Variants in OR2A12 observed in about 807,000 individuals in gnomAD.
OR2A12 encodes olfactory receptor family 2 subfamily A member 12.
For synonymous variants in OR2A12, 153 were observed against 149.3 expected, an observed-to-expected ratio of 1.02 and a Z score of -0.18; for missense variants, 380 against 372.5, an observed-to-expected ratio of 1.02 and a Z score of -0.17.
At position 144,097,453 on chromosome 7, in the gene OR2A12, T is replaced by C. The variant is rs983058261; in HGVS notation, c.*1413T>C. The C allele has an allele frequency of 6.6e-6, 1 of 152,190 alleles. No individual in the cohort carries two copies. Among genetic ancestry groups the C allele is most frequent in the Non-Finnish European group, 1.5e-5 (1 of 68,042 alleles). 9.4% of individuals were successfully genotyped at this position (152,190 alleles called of 1,614,324 possible). On this transcript the variant is annotated 3_prime_UTR_variant, in exon 2 of 2. Transcript: ENST00000641592. ...TCCTTAAATTGATTATTAGATTTAA[T>C]ACAATCCCAATCAATATCGCAGCAG...
In OR2A12 at chr7:144,095,964, C is replaced by T. The variant is rs754069768; in HGVS notation, c.857C>T (p.Pro286Leu). 4 of 1,614,050 alleles carry T rather than the reference C, an allele frequency of 2.5e-6. No homozygotes were observed. Among genetic ancestry groups the T allele is most frequent in the South Asian group, 1.1e-5 (1 of 91,072 alleles). ...FYSLFNPILNPLIYSLRNAEV... is the reference protein window; with the variant it reads ...FYSLFNPILNLLIYSLRNAEV... ...AGCCTTTTCAACCCGATCCTGAACC[C>T]CCTCATCTACAGCCTTAGGAATGCA... is the stretch of plus-strand genomic sequence containing the variant. Residue 286 changes from proline to leucine, a missense_variant, in exon 2 of 2, where the codon CCC (proline) becomes CTC (leucine). By Grantham distance (98) the Pro-to-Leu change is moderately conservative (BLOSUM62 -3). Transcript: ENST00000641592.
intron 1 of OR2A12, among the ~76,000 whole-genome samples, chr7:144,094,601 G>A (rs530138352): frequency 2.0e-5 from 3 of 152,136 alleles, no homozygotes; most frequent in Non-Finnish European, 4.4e-5. Flanking sequence ...ATTTGAAGTA[G>A]AGGAGAAATT....
rs2128803254 is a variant in OR2A12 at position 144,096,023 on chromosome 7, A to C, written c.916A>C (p.Lys306Gln). ...VKGALKRVLWKQRSM is the reference protein window; with the variant it reads ...VKGALKRVLWQQRSM ...AGGGGCTCTAAAGAGAGTCCTTTGGAAACAGAGATCAATGTGAAGAATCAT... is the reference window on the plus strand; with the variant it reads ...AGGGGCTCTAAAGAGAGTCCTTTGGCAACAGAGATCAATGTGAAGAATCAT... Residue 306 changes from lysine to glutamine, a missense_variant, in exon 2 of 2, where the codon AAA (lysine) becomes CAA (glutamine). Coordinates refer to ENST00000641592, the MANE Select transcript of OR2A12 (RefSeq NM_001004135.2). The C allele has an allele frequency of 6.3e-7, 1 of 1,595,526 alleles. No individual in the cohort carries two copies. Among genetic ancestry groups the C allele is most frequent in the Non-Finnish European group, 8.5e-7 (1 of 1,171,714 alleles).
At position 144,095,538 on chromosome 7, in the gene OR2A12, C is replaced by A; in HGVS notation, c.431C>A (p.Ala144Asp). The A allele has an allele frequency of 6.2e-7, 1 of 1,614,062 alleles. No homozygotes were observed. Among genetic ancestry groups the A allele is most frequent in the Non-Finnish European group, 8.5e-7 (1 of 1,179,994 alleles). ...AACTGGAGAGTGTGCACTGTCCTGG[C>A]CTCAACTTGCTGGATATTTAGCTTT... ...IMNWRVCTVL[A>D]STCWIFSFLL... The change falls in exon 2 of 2, where the codon GCC becomes GAC. Residue 144 changes from alanine to aspartate, a missense_variant. By Grantham distance (126) the Ala-to-Asp change is moderately radical (BLOSUM62 -2). Transcript: ENST00000641592.
chr7:144,091,451 G>A (rs1200644789), intron 1 of OR2A12, among the ~76,000 whole-genome samples: 1 of 152,154 alleles, frequency 6.6e-6, no homozygotes, highest in Non-Finnish European at 1.5e-5. Flanking sequence ...TTTCTGCAGT[G>A]ATTGAATTAG....
rs1362591407 is a variant in OR2A12 at position 144,098,288 on chromosome 7, A to G, written c.*2248A>G. On this transcript the variant is annotated 3_prime_UTR_variant, in exon 2 of 2. Transcript: ENST00000641592. ...AATATACAAGATCGTCGTACACATC[A>G]ATTTTGTCTTGTCATAGCTGTGTCT... 1 of 152,098 alleles carries G rather than the reference A, an allele frequency of 6.6e-6. No individual in the cohort carries two copies. Among genetic ancestry groups the G allele is most frequent in the Non-Finnish European group, 1.5e-5 (1 of 68,020 alleles). 9.4% of individuals were successfully genotyped at this position (152,098 alleles called of 1,614,324 possible). A position where few individuals can be genotyped will look rare whatever the true frequency, so the allele number is the denominator to read the frequency against.
At position 144,095,883 on chromosome 7, in the gene OR2A12, TG is replaced by T; in HGVS notation, c.778del (p.Ala260ProfsTer25). ...LFFGSAIVMY[M>X]APKSSHSQER... ...TTTGGCAGCGCCATTGTCATGTACATGGCCCCCAAGTCAAGCCATTCTCAAG... is the reference window on the plus strand; with the variant it reads ...TTTGGCAGCGCCATTGTCATGTACATGCCCCCAAGTCAAGCCATTCTCAAG... On this transcript the variant is annotated frameshift_variant, in exon 2 of 2. Coordinates refer to ENST00000641592, the MANE Select transcript of OR2A12 (RefSeq NM_001004135.2). LOFTEE classifies it low-confidence loss of function (END_TRUNC). The T allele has an allele frequency of 6.2e-7, 1 of 1,614,156 alleles. No homozygotes were observed. Among genetic ancestry groups the T allele is most frequent in the South Asian group, 1.1e-5 (1 of 91,084 alleles).
chr7:144,087,477 G>T (rs930619705), intron 1 of OR2A12, among the ~76,000 whole-genome samples: 6 of 152,084 alleles, frequency 3.9e-5, no homozygotes, highest in Admixed American at 3.3e-4. Flanking sequence ...TTAAATTTTG[G>T]GGAAAAGTCC....
chr7:144,091,356 A>C (rs2051226231), intron 1 of OR2A12, among the ~76,000 whole-genome samples: 2 of 152,226 alleles, frequency 1.3e-5, no homozygotes, highest in Admixed American at 1.3e-4. Context: ...GTGCCATTGC[A>C]CTCCAGTCTG....
intron 1 of OR2A12, 38 bp from the exon 2 acceptor site, chr7:144,095,019 T>C (rs2051251131): frequency 3.5e-6 from 3 of 848,322 alleles, no homozygotes; most frequent in Non-Finnish European, 3.7e-6. Flanking sequence ...ATAAAATTCA[T>C]GCTCTATAAT....
chr7:144,094,150 A>G (rs570185805), intron 1 of OR2A12, among the ~76,000 whole-genome samples: 1 of 151,414 alleles, frequency 6.6e-6, no homozygotes, highest in Non-Finnish European at 1.5e-5. Context: ...TATTGTTGTT[A>G]TTATTATCAT....
At chr7:144,091,016 T>C (rs987342704) in intron 1 of OR2A12, among the ~76,000 whole-genome samples, 1 of 152,252 alleles carries the variant, frequency 6.6e-6, no homozygotes, top group African/African-American at 2.4e-5. Flanking sequence ...GTCTTTACAA[T>C]GGAATGATTT....
Position 144,097,787 on chromosome 7 carries a change from A to G in OR2A12, c.*1747A>G, listed in dbSNP as rs1301311866. The G allele has an allele frequency of 2.0e-5, 3 of 152,196 alleles. No individual in the cohort carries two copies. Among genetic ancestry groups the G allele is most frequent in the Non-Finnish European group, 4.4e-5 (3 of 68,026 alleles). The allele number at this position is 152,196 out of a possible 1,614,324, so 9.4% of individuals were successfully genotyped here. A position where few individuals can be genotyped will look rare whatever the true frequency, so the allele number is the denominator to read the frequency against. On this transcript the variant is annotated 3_prime_UTR_variant, in exon 2 of 2. Transcript: ENST00000641592. ...TGAAGTAAATGGTGTTGGGACAACC[A>G]AGTCTTTATAAAGATATTCAAATCA...
Position 144,095,111 on chromosome 7 carries a change from G to A in OR2A12, c.4G>A (p.Glu2Lys), listed in dbSNP as rs2051252058. The A allele has an allele frequency of 6.3e-7, 1 of 1,592,170 alleles. No homozygotes were observed. The highest frequency in any genetic ancestry group is 8.5e-7 in the Non-Finnish European group (1 of 1,170,648). Residue 2 changes from glutamate (E) to lysine (K), a missense_variant, in exon 2 of 2, where the codon GAA (glutamate) becomes AAA (lysine). Physicochemically the swap from Glu to Lys is moderately conservative, Grantham distance 56. Transcript: ENST00000641592. M[E>K]SNQTWITEVI... ...AAGATTTTTCTGTCACGAGAACATG[G>A]AAAGCAATCAGACCTGGATCACAGA...
At position 144,098,909 on chromosome 7, in the gene OR2A12, T is replaced by C. The variant is rs939743107; in HGVS notation, c.*2869T>C. The C allele has an allele frequency of 1.8e-4, 27 of 152,172 alleles. No individual in the cohort carries two copies. The highest frequency in any genetic ancestry group is 6.5e-4 in the African/African-American group (27 of 41,520). 9.4% of individuals were successfully genotyped at this position (152,172 alleles called of 1,614,324 possible). A position where few individuals can be genotyped will look rare whatever the true frequency, so the allele number is the denominator to read the frequency against. ...CTTTCTTTCTCTCTTTCTTCCTTTC[T>C]TTCTTCTTTCTTTCCTTCCTTCCTT... On this transcript the variant is annotated 3_prime_UTR_variant, in exon 2 of 2. Coordinates refer to ENST00000641592, the MANE Select transcript of OR2A12 (RefSeq NM_001004135.2).
chr7:144,094,316 T>C (rs2051246996), intron 1 of OR2A12, among the ~76,000 whole-genome samples: 1 of 152,204 alleles, frequency 6.6e-6, no homozygotes, highest in Admixed American at 6.5e-5. Context: ...GCAAGCATAT[T>C]GACTTCTTGA....
Position 144,095,856 on chromosome 7 carries a change from T to C in OR2A12, c.749T>C (p.Phe250Ser), listed in dbSNP as rs750595812. ...CSSHLCVVGL[F>S]FGSAIVMYMA... is the part of the protein sequence containing the mutation. Reference sequence around the variant, plus strand: ...TCCCACCTCTGCGTGGTGGGGCTTTTCTTTGGCAGCGCCATTGTCATGTAC... The same window carrying C: ...TCCCACCTCTGCGTGGTGGGGCTTTCCTTTGGCAGCGCCATTGTCATGTAC... The change falls in exon 2 of 2, where the codon TTC becomes TCC. Residue 250 changes from phenylalanine (F) to serine (S), a missense_variant. Transcript: ENST00000641592. The C allele has an allele frequency of 6.2e-7, 1 of 1,614,032 alleles. No homozygotes were observed. Among genetic ancestry groups the C allele is most frequent in the Non-Finnish European group, 8.5e-7 (1 of 1,180,038 alleles).
Position 144,095,595 on chromosome 7 carries a change from T to C in OR2A12, c.488T>C (p.Leu163Pro). ...GCTCTGGTCCATATTACTCTTATTC[T>C]GAGGCTGCCTTTTTGTGGCCCACAA... ...LLALVHITLI[L>P]RLPFCGPQKI... Residue 163 changes from leucine (L) to proline (P), a missense_variant, in exon 2 of 2, where the codon CTG (leucine) becomes CCG (proline). Coordinates refer to ENST00000641592, the MANE Select transcript of OR2A12 (RefSeq NM_001004135.2). 2 of 1,614,190 alleles carry C rather than the reference T, an allele frequency of 1.2e-6. No homozygotes were observed. The highest frequency in any genetic ancestry group is 1.7e-6 in the Non-Finnish European group (2 of 1,180,038).
chr7:144,097,288 A>G lies in OR2A12; in HGVS notation c.*1248A>G, dbSNP rs1261870427. 3.3e-5 allele frequency: 5 copies of G among 152,216 alleles called. No homozygotes were observed. Among genetic ancestry groups the G allele is most frequent in the Non-Finnish European group, 5.9e-5 (4 of 68,044 alleles). 9.4% of individuals were successfully genotyped at this position (152,216 alleles called of 1,614,324 possible). A position where few individuals can be genotyped will look rare whatever the true frequency, so the allele number is the denominator to read the frequency against. ...GGATTTAATTCTCAAATGCTTAGGA[A>G]TAATTATAACAAAGATTATACAAAA... On this transcript the variant is annotated 3_prime_UTR_variant, in exon 2 of 2. Coordinates refer to ENST00000641592, the MANE Select transcript of OR2A12 (RefSeq NM_001004135.2).
Sources: allele counts gnomAD v4.1 joint callset (sites outside exome capture counted in the v4.1 genomes callset), GRCh38; gene constraint gnomAD v4.1.1; transcripts MANE v1.5; gene names NCBI Gene and HGNC (gene_info 2026-07-23, HGNC 2026-07-21).